Variants in RREB1 observed in about 807,000 individuals in gnomAD.
The protein encoded by RREB1 is ras-responsive element-binding protein 1.
Under a neutral mutation model 117.8 loss-of-function variants are expected in RREB1, and 27 were observed. The ratio of observed to expected loss-of-function variants is 0.23; its 90% CI spans 0.17 to 0.32. RREB1 has a LOEUF of 0.32. RREB1 is among the 10% of genes least tolerant of loss of function. The probability of loss-of-function intolerance (pLI) is 1.00; values close to 1 mark genes in which losing one functional copy is unlikely to be tolerated. For missense variants in RREB1, 2,577 were observed against 2,378.2 expected, an observed-to-expected ratio of 1.08 and a Z score of -1.74; for synonymous variants, 1,298 against 1,026.7, an observed-to-expected ratio of 1.26 and a Z score of -5.05.
intron 1 of RREB1, among the ~76,000 whole-genome samples, chr6:7,119,315 G>A (rs1350038528): frequency 6.6e-6 from 1 of 151,942 alleles, no homozygotes; most frequent in East Asian, 1.9e-4. Context: ...GTGCTACTGC[G>A]TTCCAGCTCG....
chr6:7,215,792 CTT>C (rs771193848), intron 8 of RREB1: 2 of 152,244 alleles, frequency 1.3e-5, no homozygotes, highest in Non-Finnish European at 2.9e-5. Flanking sequence ...TGTACTGACT[CTT>C]TGAAATCTGG....
chr6:7,191,683 A>G (rs537619230), intron 6 of RREB1, among the ~76,000 whole-genome samples: 10 of 152,270 alleles, frequency 6.6e-5, no homozygotes, highest in South Asian at 6.2e-4. Context: ...CAAGTTTTAT[A>G]TCGGTTAAAT....
intron 1 of RREB1, among the ~76,000 whole-genome samples, chr6:7,175,636 G>A (rs1764460420): frequency 6.6e-6 from 1 of 152,244 alleles, no homozygotes; most frequent in South Asian, 2.1e-4. Flanking sequence ...GGGAGGCTGT[G>A]TTGAGAGCCA....
In RREB1 at chr6:7,231,857, G is replaced by A. The variant is rs775050440; in HGVS notation, c.3758G>A (p.Arg1253Gln). Reference sequence around the variant, plus strand: ...AAGATCACCTGTCCCCACTGTCCCCGGGTTTTCCCTTGGGCCAGCTCCCTA... The same window carrying A: ...AAGATCACCTGTCCCCACTGTCCCCAGGTTTTCCCTTGGGCCAGCTCCCTA... ...LQKITCPHCP[R>Q]VFPWASSLQR... The change falls in exon 10 of 13, where the codon CGG becomes CAG. Residue 1253 changes from arginine to glutamine, a missense_variant. Physicochemically the swap from Arg to Gln is conservative, Grantham distance 43 (BLOSUM62 1). Coordinates refer to ENST00000379938, the MANE Select transcript of RREB1 (RefSeq NM_001003699.4). 24 of 1,613,174 alleles carry A rather than the reference G, an allele frequency of 1.5e-5. No homozygotes were observed. The highest frequency in any genetic ancestry group is 2.2e-5 in the South Asian group (2 of 91,030).
chr6:7,221,783 G>A (rs1406466728), intron 8 of RREB1, among the ~76,000 whole-genome samples: 1 of 152,222 alleles, frequency 6.6e-6, no homozygotes, highest in African/African-American at 2.4e-5. Context: ...TTTGCAGTTA[G>A]ACAGAAGTAG....
intron 12 of RREB1, 50 bp downstream of exon 12, chr6:7,247,271 G>A (rs780553308): frequency 2.6e-6 from 4 of 1,539,546 alleles, no homozygotes; most frequent in South Asian, 1.2e-5. Context: ...GGCGAGCCGG[G>A]CACCTCTCCT....
chr6:7,138,131 G>T (rs1426667195), intron 1 of RREB1, among the ~76,000 whole-genome samples: 1 of 152,004 alleles, frequency 6.6e-6, no homozygotes, highest in African/African-American at 2.4e-5. Flanking sequence ...AAATCTTTCA[G>T]AAAAAAAGAA....
chr6:7,114,990 CT>C lies in RREB1; in HGVS notation c.-285+6943del, dbSNP rs35732894. Reference sequence around the variant, plus strand: ...ATGTTCTAAGTTATGTGGAGTATACCTTTTTTTTTTTTTAAGTGTTTGAACT... The same window carrying C: ...ATGTTCTAAGTTATGTGGAGTATACCTTTTTTTTTTTTAAGTGTTTGAACT... On this transcript the variant is annotated intron_variant, in intron 1 of 12. Transcript: ENST00000379938. Among the ~76,000 whole-genome samples, 176 of 146,686 alleles carry C rather than the reference CT, an allele frequency of 1.2e-3. 1 individual carries two copies. Among genetic ancestry groups the C allele is most frequent in the South Asian group, 6.0e-3 (28 of 4,654 alleles).
intron 8 of RREB1, chr6:7,215,358 T>C (rs1766840572): frequency 6.6e-6 from 1 of 152,232 alleles, no homozygotes; most frequent in Non-Finnish European, 1.5e-5. Context: ...CATTTCATTT[T>C]GAGGATCTCG....
chr6:7,206,546 C>T (rs907591898), intron 6 of RREB1, among the ~76,000 whole-genome samples: 6 of 152,224 alleles, frequency 3.9e-5, no homozygotes, highest in East Asian at 1.9e-4. Context: ...CACCAGGGCT[C>T]GTGCAGAGAA....
chr6:7,114,475 G>T (rs1013271331), intron 1 of RREB1, among the ~76,000 whole-genome samples: 11 of 151,904 alleles, frequency 7.2e-5, no homozygotes, highest in Non-Finnish European at 1.5e-4. Context: ...TGGTGGGGGG[G>T]GGGGCGGCAG....
intron 6 of RREB1, 137 bp from the exon 7 acceptor site, chr6:7,210,667 A>G: frequency 1.5e-6 from 1 of 645,868 alleles, no homozygotes; most frequent in Admixed American, 3.0e-5. Flanking sequence ...AAAAGATAGA[A>G]GTCACTGTAT....
chr6:7,226,756 A>C, intron 9 of RREB1, 100 bp downstream of exon 9: 1 of 933,756 alleles, frequency 1.1e-6, no homozygotes, highest in Non-Finnish European at 1.6e-6. Flanking sequence ...TTTCCTTAAA[A>C]TGTCGGTTGG....
chr6:7,137,265 C>A (rs1001674767), intron 1 of RREB1, among the ~76,000 whole-genome samples: 6 of 152,202 alleles, frequency 3.9e-5, no homozygotes, highest in African/African-American at 1.2e-4. Flanking sequence ...TCCCTTCCCC[C>A]CTGAGCCCCC....
At chr6:7,205,608 G>A (rs1381430373) in intron 6 of RREB1, among the ~76,000 whole-genome samples, 1 of 152,170 alleles carries the variant, frequency 6.6e-6, no homozygotes, top group Non-Finnish European at 1.5e-5. Flanking sequence ...TGACTTCCAT[G>A]CCTAAGGAAG....
chr6:7,247,629 G>A (rs560974163), intron 12 of RREB1, among the ~76,000 whole-genome samples: 4 of 152,236 alleles, frequency 2.6e-5, no homozygotes, highest in African/African-American at 9.6e-5. Flanking sequence ...GCCCCAGGCC[G>A]CTGTGGGGCA....
chr6:7,143,851 C>CTTTTTTTTTTT (rs11365387), intron 1 of RREB1, among the ~76,000 whole-genome samples: 2 of 89,352 alleles, frequency 2.2e-5, no homozygotes, highest in African/African-American at 3.9e-5. Context: ...TTTTTTCTTT[C>CTTTTTTTTTTT]TTTTTTTTTT....
At chr6:7,189,119 C>T (rs1333657207) in intron 5 of RREB1, 40 bp from the exon 6 acceptor site, 4 of 1,561,338 alleles carry the variant, frequency 2.6e-6, no homozygotes, top group African/African-American at 1.4e-5. Flanking sequence ...GCTTCTGATG[C>T]ACTTTCTTAA....
At chr6:7,149,663 C>G (rs1472243647) in intron 1 of RREB1, among the ~76,000 whole-genome samples, 3 of 152,192 alleles carry the variant, frequency 2.0e-5, no homozygotes, top group Non-Finnish European at 4.4e-5. Flanking sequence ...GGTATTTACT[C>G]AGCAGAAATT....
Sources: gnomAD v4.1 joint callset for allele counts (sites outside exome capture counted in the v4.1 genomes callset) on GRCh38, gnomAD v4.1.1 for gene constraint, MANE v1.5 for transcripts, NCBI Gene and HGNC (gene_info 2026-07-23, HGNC 2026-07-21) for gene names.